The following HDAC6 variants were observed in gnomAD, a reference collection of about 807,000 sequenced individuals.
The protein encoded by HDAC6 is histone deacetylase 6, also known as protein deacetylase HDAC6.
Under a neutral mutation model 88.9 loss-of-function variants are expected in HDAC6, and 5 were observed. The observed-to-expected ratio is 0.06, with a 90% CI of 0.03 to 0.12. HDAC6 has a LOEUF of 0.12. Ranked by LOEUF, HDAC6 falls within the 10% of genes least tolerant of loss-of-function variation. The pLI, the probability that HDAC6 is intolerant of heterozygous loss-of-function variation, is 1.00. For missense variants in HDAC6, 706 were observed against 1,014.4 expected (o/e 0.70, Z 4.13); for synonymous variants, 378 against 398.0 (o/e 0.95, Z 0.60).
rs201520385 is a variant in HDAC6, at chrX:48,815,892, G to A, written c.1333G>A (p.Val445Met). The A allele has an allele frequency of 7.0e-5, 84 of 1,208,080 alleles. No individual in the cohort carries two copies. The highest frequency in any genetic ancestry group is 4.4e-4 in the Admixed American group (20 of 45,645). ...TGGCCTCCCCCTTTTAGCTGAGACC[G>A]TGGAGAGGGACAACATGGAGGAGGA... The part of the protein sequence containing the change: ...WEVLVRSTET[V>M]ERDNMEEDNV... The change falls in exon 17 of 29, where the codon GTG (valine) becomes ATG (methionine). Residue 445 changes from valine (V) to methionine (M), a missense_variant. By Grantham distance (21) the Val-to-Met change is conservative. Around this residue, in one of 9 missense-constraint regions of HDAC6, gnomAD observed 106 missense variants for 135.1 expected, o/e 0.78. Coordinates refer to ENST00000334136, the MANE Select transcript of HDAC6 (RefSeq NM_006044.4).
Position 48,811,530 on chromosome X carries a change from C to T in HDAC6, c.807-2910C>T, listed in dbSNP as rs781787249. Reference sequence around the variant, plus strand: ...TTTGTAGGTCTGTTTTCCTGAAAGGCATTTCCCCAGAATGGGGACAGGGAA... The same window carrying T: ...TTTGTAGGTCTGTTTTCCTGAAAGGTATTTCCCCAGAATGGGGACAGGGAA... On this transcript the variant is annotated intron_variant, in intron 10 of 28. Coordinates refer to ENST00000334136, the MANE Select transcript of HDAC6 (RefSeq NM_006044.4). 2.7e-5 allele frequency among the ~76,000 whole-genome samples: 3 copies of T among 112,295 alleles called. No individual in the cohort carries two copies. The South Asian group carries it at 1.1e-3, about 42-fold the overall frequency.
upstream of HDAC6, chrX:48,802,040 G>T: frequency 1.1e-6 from 1 of 932,224 alleles, no homozygotes; most frequent in African/African-American, 2.0e-5. Flanking sequence ...AAACGTTAGC[G>T]GTCGGGTCTG....
intron 21 of HDAC6, 35 bp from the exon 22 acceptor site, chrX:48,818,185 C>G: frequency 8.5e-7 from 1 of 1,171,717 alleles, no homozygotes; most frequent in African/African-American, 1.8e-5. Flanking sequence ...AGCCCCTAAC[C>G]AGCCATGGTC....
chrX:48,801,884 A>G, upstream of HDAC6: 1 of 972,257 alleles, frequency 1.0e-6, no homozygotes, highest in Non-Finnish European at 1.3e-6. Flanking sequence ...GTCGCCAGAA[A>G]CTTGGTGGAG....
chrX:48,815,316 AT>A, intron 14 of HDAC6, 67 bp from the exon 15 acceptor site: 1 of 797,767 alleles, frequency 1.3e-6, no homozygotes, highest in South Asian at 2.2e-5. Context: ...TCTTATTATC[AT>A]CATTATTATT....
intron 19 of HDAC6, chrX:48,816,952 TC>T: frequency 3.8e-6 from 1 of 265,952 alleles, no homozygotes; most frequent in Non-Finnish European, 6.5e-6. Context: ...AGACCCTGTG[TC>T]AAAAAAAAAA....
At chrX:48,806,974 A>AT (rs1557024595) in intron 8 of HDAC6, 2 of 214,342 alleles carry the variant, frequency 9.3e-6, no homozygotes, top group East Asian at 1.6e-4. Context: ...TAAGGTGTAC[A>AT]TTTTTTCATA....
At position 48,808,053 on chromosome X, in the gene HDAC6, A is replaced by C. The variant is rs1226804176; in HGVS notation, c.653A>C (p.Gln218Pro). The change falls in exon 9 of 29, where the codon CAG becomes CCG. Residue 218 changes from glutamine to proline, a missense_variant. Gln to Pro is a moderately conservative substitution (Grantham distance 76). Transcript: ENST00000334136. ...CCCAGGCCTCCTGGACATCACGCCC[A>C]GCACAGTCTTATGGATGGCTATTGC... ...AIIRPPGHHAQHSLMDGYCMF... is the reference protein window; with the variant it reads ...AIIRPPGHHAPHSLMDGYCMF... 4 of 1,204,698 alleles carry C rather than the reference A, an allele frequency of 3.3e-6. No individual in the cohort carries two copies. Among genetic ancestry groups the C allele is most frequent in the African/African-American group, 1.8e-5 (1 of 56,954 alleles).
In HDAC6 at chrX:48,815,957, C is replaced by A. The variant is rs1557027450; in HGVS notation, c.1398C>A (p.Pro466=). Residue 466 remains proline (P), a synonymous_variant, in exon 17 of 29, where the codon CCC becomes CCA. Coordinates refer to ENST00000334136, the MANE Select transcript of HDAC6 (RefSeq NM_006044.4). ...EESEEEGPWE[P]PVLPILTWPV... ...GCGAGGAGGAAGGACCCTGGGAGCC[C>A]CCTGTGCTCCCAATCCTGACATGGC... 2 of 1,210,659 alleles carry A rather than the reference C, an allele frequency of 1.7e-6. No individual in the cohort carries two copies. The highest frequency in any genetic ancestry group is 2.2e-6 in the Non-Finnish European group (2 of 894,598).
intron 10 of HDAC6, 36 bp from the exon 11 acceptor site, chrX:48,814,404 C>T: frequency 8.3e-7 from 1 of 1,204,250 alleles, no homozygotes; most frequent in Non-Finnish European, 1.1e-6. Flanking sequence ...GGATTGACTT[C>T]TCCAACTCTC....
chrX:48,824,435 G>A, intron 28 of HDAC6, 109 bp from the exon 29 acceptor site: 1 of 1,070,755 alleles, frequency 9.3e-7, no homozygotes, highest in South Asian at 2.0e-5. Flanking sequence ...GGGGCTGTGG[G>A]ATAGTCCAGA....
At chrX:48,822,403 A>T (rs1249687272) in intron 23 of HDAC6, among the ~76,000 whole-genome samples, 1 of 111,953 alleles carries the variant, frequency 8.9e-6, no homozygotes, top group Non-Finnish European at 1.9e-5. Flanking sequence ...GTTATCTTGC[A>T]CTTTACATCA....
chrX:48,816,354 G>A (rs974398284), intron 18 of HDAC6, 85 bp downstream of exon 18: 2 of 1,137,827 alleles, frequency 1.8e-6, no homozygotes, highest in Non-Finnish European at 1.2e-6. Context: ...CCCCTCCTGG[G>A]GAGCTGCTGC....
chrX:48,802,743 G>A lies in HDAC6; in HGVS notation c.51G>A (p.Arg17=), dbSNP rs375722411. 6.6e-6 allele frequency: 8 copies of A among 1,207,113 alleles called. No individual in the cohort carries two copies. In the East Asian group the frequency reaches 1.8e-4, roughly 27 times the overall value. The change falls in exon 2 of 29, where the codon AGG becomes AGA. Residue 17 remains arginine (R), a synonymous_variant. Coordinates refer to ENST00000334136, the MANE Select transcript of HDAC6 (RefSeq NM_006044.4). ...DSTTTRQRRS[R]QNPQSPPQDS... is the part of the protein sequence containing the mutation. The stretch of plus-strand genomic sequence containing the variant: ...CCACAACCAGGCAGCGAAGAAGTAG[G>A]CAGAACCCCCAGTCGCCCCCTCAGG...
At position 48,815,932 on chromosome X, in the gene HDAC6, G is replaced by A. The variant is rs920830257; in HGVS notation, c.1373G>A (p.Ser458Asn). ...ATGGAGGAGGACAATGTAGAGGAGA[G>A]CGAGGAGGAAGGACCCTGGGAGCCC... Reference protein sequence around the residue: ...DNMEEDNVEESEEEGPWEPPV... With the variant: ...DNMEEDNVEENEEEGPWEPPV... The change falls in exon 17 of 29, where the codon AGC becomes AAC. Residue 458 changes from serine (S) to asparagine (N), a missense_variant. By Grantham distance (46) the Ser-to-Asn change is conservative (BLOSUM62 1). Transcript: ENST00000334136. 2 of 1,209,193 alleles carry A rather than the reference G, an allele frequency of 1.7e-6. No homozygotes were observed. Among genetic ancestry groups the A allele is most frequent in the Non-Finnish European group, 2.2e-6 (2 of 894,729 alleles).
Position 48,814,952 on chromosome X carries a change from G to A in HDAC6, c.1060-10G>A, listed in dbSNP as rs370628443. On this transcript the variant is annotated splice_polypyrimidine_tract_variant and intron_variant, in intron 13 of 28. Transcript: ENST00000334136. ...GCATGGAGCCAGGCTGACCCTCCATGTCCCCCCAGGGTGAGATGGCCGCCA... is the reference window on the plus strand; with the variant it reads ...GCATGGAGCCAGGCTGACCCTCCATATCCCCCCAGGGTGAGATGGCCGCCA... 23 of 1,207,257 alleles carry A rather than the reference G, an allele frequency of 1.9e-5. No individual in the cohort carries two copies. Among genetic ancestry groups the A allele is most frequent in the Non-Finnish European group, 2.6e-5 (23 of 893,403 alleles).
chrX:48,823,449 A>G lies in HDAC6; in HGVS notation c.3050A>G (p.Glu1017Gly), dbSNP rs1557030997. The G allele has an allele frequency of 4.1e-6, 5 of 1,210,917 alleles. No individual in the cohort carries two copies. The highest frequency in any genetic ancestry group is 4.5e-6 in the Non-Finnish European group (4 of 895,074). The change falls in exon 25 of 29, where the codon GAG (glutamate) becomes GGG (glycine). Residue 1017 changes from glutamate to glycine, a missense_variant. Glu to Gly is a moderately conservative substitution (Grantham distance 98). Around this residue, in one of 9 missense-constraint regions of HDAC6, gnomAD observed 112 missense variants for 95.1 expected, o/e 1.18. Coordinates refer to ENST00000334136, the MANE Select transcript of HDAC6 (RefSeq NM_006044.4). ...TTSEEAPGGT[E>G]LIQTPLASST... ...TCAGAGGAGGCTCCAGGGGGCACCG[A>G]GCTGATCCAAACTCCTCTAGCCTCG...
At chrX:48,818,754 C>T (rs2063032942) in intron 22 of HDAC6, among the ~76,000 whole-genome samples, 1 of 112,082 alleles carries the variant, frequency 8.9e-6, no homozygotes, top group African/African-American at 3.2e-5. Context: ...TGTGCGTGTG[C>T]GACTCTGTGC....
Position 48,818,012 on chromosome X carries a change from C to T in HDAC6, c.1926-29C>T, listed in dbSNP as rs782182302. The T allele has an allele frequency of 5.2e-6, 6 of 1,162,965 alleles. No homozygotes were observed. In the South Asian group the frequency reaches 5.6e-5, roughly 11 times the overall value. On this transcript the variant is annotated intron_variant, in intron 20 of 28. Transcript: ENST00000334136. ...CCCTCTTCCAGGGCGTGAGTATCGT[C>T]GGTTACTGAGGTGCTGTCTCCTCCC...
Sources: gnomAD v4.1 joint callset for allele counts (sites outside exome capture counted in the v4.1 genomes callset) on GRCh38, gnomAD v4.1.1 for gene constraint, gnomAD v4.1.1 regional missense constraint, MANE v1.5 for transcripts, NCBI Gene and HGNC (gene_info 2026-07-23, HGNC 2026-07-21) for gene names.